DLC1: variants seen among roughly 807,000 people sequenced by gnomAD.
DLC1 encodes the protein DLC1 Rho GTPase activating protein.
DLC1 carries 54 observed loss-of-function variants against 140.3 expected under a neutral mutation model. The observed-to-expected ratio is 0.38, with a 90% CI of 0.31 to 0.48. The LOEUF (loss-of-function observed/expected upper bound fraction) is 0.48, where lower values mean the gene tolerates loss of function less well. Among genes scored for constraint, DLC1 ranks in the 20% least tolerant of loss-of-function variants. The probability of loss-of-function intolerance (pLI) is 0.96; values close to 1 mark genes in which losing one functional copy is unlikely to be tolerated. For synonymous variants in DLC1, 986 were observed against 728.1 expected, an observed-to-expected ratio of 1.35 and a Z score of -5.70; for missense variants, 2,536 against 1,907.0, an observed-to-expected ratio of 1.33 and a Z score of -6.14.
rs575105598 is a variant in DLC1 at position 13,176,319 on chromosome 8, C to T, written c.1349-60662G>A. 3.3e-3 allele frequency among the ~76,000 whole-genome samples: 500 copies of T among 152,282 alleles called. 4 individuals are homozygous for T. The highest frequency in any genetic ancestry group is 0.011 in the African/African-American group (475 of 41,560). On this transcript the variant is annotated intron_variant, in intron 5 of 17. Coordinates refer to ENST00000276297, the MANE Select transcript of DLC1 (RefSeq NM_182643.3). Reference sequence around the variant, plus strand: ...TTTGTCCGGGTGTGGTGGTTCACTCCTGTAATCCCAGCACTTTGGGAGGCC... The same window carrying T: ...TTTGTCCGGGTGTGGTGGTTCACTCTTGTAATCCCAGCACTTTGGGAGGCC...
At chr8:13,490,154 T>G (rs1298137583) in intron 2 of DLC1, among the ~76,000 whole-genome samples, 1 of 152,176 alleles carries the variant, frequency 6.6e-6, no homozygotes, top group African/African-American at 2.4e-5. Flanking sequence ...CAAATAATGA[T>G]GCTATTTCAA....
At chr8:13,257,129 G>C (rs1362347583) in intron 5 of DLC1, among the ~76,000 whole-genome samples, 1 of 151,938 alleles carries the variant, frequency 6.6e-6, no homozygotes, top group Non-Finnish European at 1.5e-5. Context: ...GCCACAAATA[G>C]TTGTCCATGG....
At chr8:13,285,315 C>G (rs1023702637) in intron 5 of DLC1, among the ~76,000 whole-genome samples, 4 of 152,056 alleles carry the variant, frequency 2.6e-5, no homozygotes, top group Admixed American at 1.3e-4. Flanking sequence ...TTATCAACAA[C>G]TGGGGTGCTG....
chr8:13,520,656 A>AG (rs1055668207), intron 1 of DLC1, among the ~76,000 whole-genome samples: 12 of 152,250 alleles, frequency 7.9e-5, no homozygotes, highest in African/African-American at 2.9e-4. Context: ...GCAAATAAAA[A>AG]AAATATTGAC....
intron 1 of DLC1, among the ~76,000 whole-genome samples, chr8:13,523,081 A>G (rs1367084456): frequency 1.3e-5 from 2 of 152,380 alleles, no homozygotes; most frequent in African/African-American, 4.8e-5. Context: ...AGTGAAAGGT[A>G]GAGCCCTGGA....
chr8:13,207,840 G>A (rs908591903), intron 5 of DLC1, among the ~76,000 whole-genome samples: 2 of 152,142 alleles, frequency 1.3e-5, no homozygotes, highest in Non-Finnish European at 2.9e-5. Context: ...TGCCCAAAAC[G>A]TCAATGGTGC....
chr8:13,475,630 C>T (rs1285672955), intron 2 of DLC1, among the ~76,000 whole-genome samples: 1 of 152,196 alleles, frequency 6.6e-6, no homozygotes, highest in African/African-American at 2.4e-5. Context: ...ACCACAAACT[C>T]TCTTCCAGAG....
chr8:13,304,407 C>A (rs923254304), intron 5 of DLC1, among the ~76,000 whole-genome samples: 3 of 152,134 alleles, frequency 2.0e-5, no homozygotes, highest in African/African-American at 7.2e-5. Context: ...CAGAAGGACA[C>A]AAACTAGGAA....
intron 1 of DLC1, among the ~76,000 whole-genome samples, chr8:13,509,865 G>A (rs946381774): frequency 6.6e-6 from 1 of 152,104 alleles, no homozygotes; most frequent in East Asian, 1.9e-4. Context: ...AGTTTTCTCA[G>A]TTCTGTAATG....
intron 5 of DLC1, among the ~76,000 whole-genome samples, chr8:13,182,589 A>G (rs1157225569): frequency 3.3e-5 from 5 of 152,220 alleles, no homozygotes; most frequent in Middle Eastern, 3.4e-3. Context: ...TCTTTTCCCC[A>G]TTTCTTGTTT....
chr8:13,501,594 A>G (rs1801823812), intron 1 of DLC1, among the ~76,000 whole-genome samples: 1 of 152,178 alleles, frequency 6.6e-6, no homozygotes. Context: ...AAAAATTTCG[A>G]GCTGTTCTGA....
intron 1 of DLC1, among the ~76,000 whole-genome samples, chr8:13,540,210 G>C (rs558419982): frequency 6.6e-6 from 1 of 152,248 alleles, no homozygotes; most frequent in East Asian, 1.9e-4. Flanking sequence ...CAATAAATAG[G>C]TGGTCCACAA....
intron 2 of DLC1, among the ~76,000 whole-genome samples, chr8:13,491,548 T>G (rs1259288244): frequency 6.6e-6 from 1 of 152,240 alleles, no homozygotes; most frequent in East Asian, 1.9e-4. Context: ...ACACTCATCC[T>G]TGTCCACTCC....
chr8:13,393,480 A>C (rs1411902434), intron 4 of DLC1, 73 bp downstream of exon 4: 1 of 1,462,168 alleles, frequency 6.8e-7, no homozygotes. Flanking sequence ...TCTATATCGA[A>C]TGAATATCAA....
At chr8:13,124,592 G>A (rs1316098831) in intron 5 of DLC1, among the ~76,000 whole-genome samples, 1 of 152,178 alleles carries the variant, frequency 6.6e-6, no homozygotes, top group Non-Finnish European at 1.5e-5. Context: ...CTATCACAGA[G>A]GACAAAGCAT....
chr8:13,306,695 T>C (rs1197285071), intron 4 of DLC1, among the ~76,000 whole-genome samples: 7 of 151,896 alleles, frequency 4.6e-5, no homozygotes, highest in Non-Finnish European at 8.8e-5. Flanking sequence ...TATATCCTTG[T>C]GAAATATTGG....
At chr8:13,250,957 A>T (rs950973636) in intron 5 of DLC1, among the ~76,000 whole-genome samples, 1 of 152,206 alleles carries the variant, frequency 6.6e-6, no homozygotes, top group African/African-American at 2.4e-5. Context: ...TTGCTGTGTA[A>T]GTCTACTGGG....
chr8:13,175,166 G>C (rs1397581513), intron 5 of DLC1, among the ~76,000 whole-genome samples: 1 of 152,076 alleles, frequency 6.6e-6, no homozygotes, highest in Non-Finnish European at 1.5e-5. Flanking sequence ...AGGTCAGATG[G>C]TGTGGGTATG....
chr8:13,201,891 C>A (rs1015471344), intron 5 of DLC1, among the ~76,000 whole-genome samples: 3 of 149,030 alleles, frequency 2.0e-5, no homozygotes, highest in African/African-American at 7.4e-5. Context: ...ATTATTTTCT[C>A]CCCCAGGTAC....
Sources: allele counts gnomAD v4.1 joint callset (sites outside exome capture counted in the v4.1 genomes callset), GRCh38; gene constraint gnomAD v4.1.1; transcripts MANE v1.5; gene names NCBI Gene and HGNC (gene_info 2026-07-23, HGNC 2026-07-21).